The following CADM2 variants were observed in gnomAD, a reference collection of about 807,000 sequenced individuals.
The protein encoded by CADM2 is cell adhesion molecule 2.
A neutral mutation model predicts 49.8 loss-of-function variants in CADM2; 12 were observed. The observed-to-expected ratio is 0.24, with a 90% confidence interval of 0.15 to 0.39. CADM2 has a LOEUF of 0.39. CADM2 is among the 10% of genes least tolerant of loss of function. The probability of loss-of-function intolerance (pLI) is 1.00; values close to 1 mark genes in which losing one functional copy is unlikely to be tolerated. For missense variants in CADM2, 378 were observed against 492.3 expected (o/e 0.77, Z 2.20); for synonymous variants, 214 against 175.4 (o/e 1.22, Z -1.74).
intron 1 of CADM2, among the ~76,000 whole-genome samples, chr3:85,714,574 C>T (rs1488047076): frequency 2.0e-5 from 3 of 151,812 alleles, no homozygotes; most frequent in African/African-American, 7.3e-5. Flanking sequence ...CTACAGACAC[C>T]CGCCACCACG....
intron 1 of CADM2, among the ~76,000 whole-genome samples, chr3:85,058,932 AT>A (rs1359971025): frequency 6.6e-6 from 1 of 151,626 alleles, no homozygotes; most frequent in Admixed American, 6.6e-5. Flanking sequence ...TATACTATAC[AT>A]TATATATACT....
chr3:85,441,516 C>T (rs1559841788), intron 1 of CADM2, among the ~76,000 whole-genome samples: 1 of 152,006 alleles, frequency 6.6e-6, no homozygotes, highest in Non-Finnish European at 1.5e-5. Context: ...TAATTTTCCT[C>T]ATCTTTATTT....
At chr3:85,157,644 A>C (rs1479950403) in intron 1 of CADM2, among the ~76,000 whole-genome samples, 2 of 152,120 alleles carry the variant, frequency 1.3e-5, no homozygotes, top group Admixed American at 1.3e-4. Flanking sequence ...CATATGTAGA[A>C]AGCTGAAACT....
At chr3:85,938,019 T>G (rs1241079096) in intron 7 of CADM2, among the ~76,000 whole-genome samples, 1 of 152,022 alleles carries the variant, frequency 6.6e-6, no homozygotes, top group Non-Finnish European at 1.5e-5. Context: ...CATATTTCCT[T>G]GCAGACTGTC....
chr3:85,805,203 C>A (rs2072331984), intron 3 of CADM2, among the ~76,000 whole-genome samples: 1 of 152,116 alleles, frequency 6.6e-6, no homozygotes, highest in Non-Finnish European at 1.5e-5. Flanking sequence ...CTTGGCCTCT[C>A]AAAGTTCTGG....
intron 8 of CADM2, 30 bp from the exon 9 acceptor site, chr3:86,065,575 A>C: frequency 1.3e-6 from 2 of 1,598,414 alleles, no homozygotes; most frequent in Non-Finnish European, 1.7e-6. Context: ...TAACACATTA[A>C]ATAGAACAAT....
chr3:86,073,589 CTT>C lies in CADM2; in HGVS notation c.*6807_*6808del, dbSNP rs1491402450. The C allele has an allele frequency of 6.6e-6, 1 of 151,808 alleles. No individual in the cohort carries two copies. Among genetic ancestry groups the C allele is most frequent in the Non-Finnish European group, 1.5e-5 (1 of 67,846 alleles). The allele number at this position is 151,808 out of a possible 1,614,324, so 9.4% of individuals were successfully genotyped here. On this transcript the variant is annotated 3_prime_UTR_variant, in exon 10 of 10. Coordinates refer to ENST00000383699, the MANE Select transcript of CADM2 (RefSeq NM_001167675.2). Reference sequence around the variant, plus strand: ...TTTGCACTTCATCTTTCAGTAAAGTCTTGTCAGAAAAAAATTGTCTGATAAAT... The same window carrying C: ...TTTGCACTTCATCTTTCAGTAAAGTCGTCAGAAAAAAATTGTCTGATAAAT...
In CADM2 at chr3:86,010,048, C is replaced by G. The variant is rs191251894; in HGVS notation, c.970+48401C>G. On this transcript the variant is annotated intron_variant, in intron 8 of 9. Coordinates refer to ENST00000383699, the MANE Select transcript of CADM2 (RefSeq NM_001167675.2). ...TGGAAAGTCCGACATTAACTCTGCT[C>G]TATTTAATCTTCTAATCATTTAATT... 1.3e-4 allele frequency among the ~76,000 whole-genome samples: 20 copies of G among 151,898 alleles called. No homozygotes were observed. In the East Asian group the frequency reaches 3.7e-3, roughly 28 times the overall value.
chr3:85,627,112 A>T (rs917499234), intron 1 of CADM2, among the ~76,000 whole-genome samples: 164 of 151,796 alleles, frequency 1.1e-3, no homozygotes, highest in African/African-American at 2.3e-3. Context: ...TTTTTTTTTT[A>T]AAAATTCCTT....
chr3:85,538,874 T>A (rs2061480066), intron 1 of CADM2, among the ~76,000 whole-genome samples: 1 of 150,904 alleles, frequency 6.6e-6, no homozygotes, highest in African/African-American at 2.4e-5. Context: ...AGGACTATAA[T>A]ATCGTGAGTT....
intron 2 of CADM2, among the ~76,000 whole-genome samples, chr3:85,788,894 G>T (rs2071165195): frequency 6.6e-6 from 1 of 151,900 alleles, no homozygotes; most frequent in African/African-American, 2.4e-5. Flanking sequence ...TTCTAGAAAT[G>T]TTATTAGGAA....
chr3:86,014,485 T>C, intron 8 of CADM2: 1 of 1,522,180 alleles, frequency 6.6e-7, no homozygotes, highest in South Asian at 1.3e-5. Context: ...GATATTCAAA[T>C]GAAACTCCCT....
intron 1 of CADM2, among the ~76,000 whole-genome samples, chr3:85,352,348 A>T (rs551724118): frequency 1.3e-5 from 2 of 152,292 alleles, no homozygotes; most frequent in East Asian, 3.9e-4. Context: ...CTTTAGGAGG[A>T]CTATCTTGCC....
At chr3:86,012,641 C>A in intron 8 of CADM2, 1 of 1,533,594 alleles carries the variant, frequency 6.5e-7, no homozygotes, top group Non-Finnish European at 8.9e-7. Context: ...CCCGCGGGAC[C>A]CGGCCAGATG....
At chr3:86,049,019 ATTG>A (rs1273201325) in intron 8 of CADM2, among the ~76,000 whole-genome samples, 1 of 152,138 alleles carries the variant, frequency 6.6e-6, no homozygotes, top group African/African-American at 2.4e-5. Flanking sequence ...TTAGTAAAGA[ATTG>A]TTGTACCCTT....
chr3:85,225,970 A>T (rs2107801631), intron 1 of CADM2, among the ~76,000 whole-genome samples: 1 of 152,300 alleles, frequency 6.6e-6, no homozygotes, highest in South Asian at 2.1e-4. Flanking sequence ...CGTGGTGGAT[A>T]AGCTTTCTGC....
intron 1 of CADM2, among the ~76,000 whole-genome samples, chr3:85,330,011 T>G (rs1465300510): frequency 6.6e-6 from 1 of 152,186 alleles, no homozygotes. Context: ...CATTTCTCAA[T>G]TTTTCTGATT....
chr3:85,408,010 C>CAAAAAAAAAAAAAAAAAAAAAAACAAA (rs372349246), intron 1 of CADM2, among the ~76,000 whole-genome samples: 1 of 56,182 alleles, frequency 1.8e-5, no homozygotes, highest in Non-Finnish European at 3.2e-5. Flanking sequence ...AAAACAAAAC[C>CAAAAAAAAAAAAAAAAAAAAAAACAAA]AAAAAAAAAA....
At chr3:85,270,732 G>T (rs144141536) in intron 1 of CADM2, among the ~76,000 whole-genome samples, 1 of 151,074 alleles carries the variant, frequency 6.6e-6, no homozygotes. Flanking sequence ...GCATAAAAAA[G>T]CTCACTATTA....
Sources: allele counts gnomAD v4.1 joint callset (sites outside exome capture counted in the v4.1 genomes callset), GRCh38; gene constraint gnomAD v4.1.1; transcripts MANE v1.5; gene names NCBI Gene and HGNC (gene_info 2026-07-23, HGNC 2026-07-21).